ADGRL2: variants seen among roughly 807,000 people sequenced by gnomAD.
ADGRL2 encodes the protein adhesion G protein-coupled receptor L2.
ADGRL2 carries 44 observed loss-of-function variants against 157.4 expected under a neutral mutation model. The ratio of observed to expected loss-of-function variants is 0.28; its 90% CI spans 0.22 to 0.36. The LOEUF (loss-of-function observed/expected upper bound fraction) is 0.36, where lower values mean the gene tolerates loss of function less well. ADGRL2 is among the 10% of genes least tolerant of loss of function. The pLI, the probability that ADGRL2 is intolerant of heterozygous loss-of-function variation, is 1.00. For synonymous variants in ADGRL2, 585 were observed against 624.7 expected, an observed-to-expected ratio of 0.94 and a Z score of 0.95; for missense variants, 1,510 against 1,768.9, an observed-to-expected ratio of 0.85 and a Z score of 2.63.
At chr1:81,366,427 A>G (rs1375098293) in intron 1 of ADGRL2, among the ~76,000 whole-genome samples, 2 of 152,230 alleles carry the variant, frequency 1.3e-5, no homozygotes, top group Non-Finnish European at 2.9e-5. Context: ...CTGTAGCCAG[A>G]GAGTAGTAAA....
intron 2 of ADGRL2, chr1:81,503,348 G>T (rs868164536): frequency 1.2e-6 from 2 of 1,613,892 alleles, no homozygotes; most frequent in Middle Eastern, 1.7e-4. Flanking sequence ...CTCATCACGG[G>T]GTCTGCTCCC....
rs534851575 is a variant in ADGRL2 at position 81,400,315 on chromosome 1, C to A, written c.-301-44721C>A. Among the ~76,000 whole-genome samples the A allele has an allele frequency of 2.0e-5, 3 of 152,120 alleles. No individual in the cohort carries two copies. The East Asian group carries it at 5.8e-4, about 30-fold the overall frequency. On this transcript the variant is annotated intron_variant, in intron 1 of 24. Coordinates refer to the ADGRL2 transcript ENST00000370721. ...GTGTCAAGACTCAGAGTCTGTGAACCTATGGTAGCACCTGGACTTTGGGAT... is the reference window on the plus strand; with the variant it reads ...GTGTCAAGACTCAGAGTCTGTGAACATATGGTAGCACCTGGACTTTGGGAT...
chr1:81,345,021 GAAAT>G (rs1398663659), intron 1 of ADGRL2, among the ~76,000 whole-genome samples: 7 of 152,064 alleles, frequency 4.6e-5, no homozygotes, highest in African/African-American at 1.7e-4. Flanking sequence ...ATTTTTGAAA[GAAAT>G]AGTTACATTG....
chr1:81,869,263 T>G (rs2093630091), intron 2 of ADGRL2, among the ~76,000 whole-genome samples: 1 of 152,076 alleles, frequency 6.6e-6, no homozygotes, highest in Non-Finnish European at 1.5e-5. Context: ...CTTCGAAGTT[T>G]CTTTTTAGTT....
chr1:81,443,974 C>T (rs967463535), intron 1 of ADGRL2, among the ~76,000 whole-genome samples: 1 of 152,106 alleles, frequency 6.6e-6, no homozygotes, highest in African/African-American at 2.4e-5. Flanking sequence ...ATCTGAAGTA[C>T]TCTTATCAGA....
chr1:81,759,837 C>G (rs1432289186), intron 1 of ADGRL2, among the ~76,000 whole-genome samples: 3 of 152,010 alleles, frequency 2.0e-5, no homozygotes, highest in African/African-American at 7.2e-5. Flanking sequence ...TAGAAAATGG[C>G]TCTTTGATGT....
chr1:81,502,990 C>T (rs1017702360), intron 2 of ADGRL2: 1 of 1,613,280 alleles, frequency 6.2e-7, no homozygotes, highest in African/African-American at 1.3e-5. Context: ...TGTGCCAAAT[C>T]GTCTGGCTGT....
chr1:81,882,649 G>A (rs1236443063), intron 2 of ADGRL2, among the ~76,000 whole-genome samples: 1 of 152,150 alleles, frequency 6.6e-6, no homozygotes, highest in Non-Finnish European at 1.5e-5. Context: ...AGTTCTGGTA[G>A]ATAATTAAGA....
rs897084401 is a variant in ADGRL2 at position 81,338,232 on chromosome 1, GCCAGCTTGTAATT to G, written c.-302+31730_-302+31742del. Among the ~76,000 whole-genome samples the G allele has an allele frequency of 8.6e-3, 1,313 of 152,136 alleles. 16 individuals are homozygous for G. The highest frequency in any genetic ancestry group is 0.03 in the African/African-American group (1,253 of 41,492). On this transcript the variant is annotated intron_variant, in intron 1 of 24. Coordinates refer to the ADGRL2 transcript ENST00000370721. ...ACAAAAATTAGCTGGACTCTGTGGT[GCCAGCTTGTAATT>G]CCAGCTACCGGGGAGGCTAAGGCCC...
chr1:81,849,170 T>C (rs933240796), intron 2 of ADGRL2, among the ~76,000 whole-genome samples: 1 of 151,900 alleles, frequency 6.6e-6, no homozygotes, highest in Admixed American at 6.6e-5. Context: ...TTCAACAATG[T>C]TGTTAATTGA....
At chr1:81,748,923 C>T (rs963603899) in intron 1 of ADGRL2, among the ~76,000 whole-genome samples, 4 of 152,112 alleles carry the variant, frequency 2.6e-5, no homozygotes, top group African/African-American at 9.7e-5. Flanking sequence ...CCGCCTTGGC[C>T]TCCCAAAGTG....
intron 2 of ADGRL2, among the ~76,000 whole-genome samples, chr1:81,840,476 G>A (rs1203568856): frequency 6.6e-6 from 1 of 151,994 alleles, no homozygotes; most frequent in Non-Finnish European, 1.5e-5. Flanking sequence ...GACTTACTCT[G>A]TGTTCAGGCA....
chr1:81,989,622 T>C (rs1664164759), intron 23 of ADGRL2: 1 of 1,595,098 alleles, frequency 6.3e-7, no homozygotes, highest in South Asian at 1.1e-5. Flanking sequence ...TTCATCATGT[T>C]ACAATAAATC....
intron 3 of ADGRL2, among the ~76,000 whole-genome samples, chr1:81,907,530 C>T (rs923504223): frequency 2.4e-4 from 37 of 151,110 alleles, no homozygotes; most frequent in African/African-American, 8.2e-4. Flanking sequence ...TTTAAGGCTT[C>T]GAAAATTTGA....
In ADGRL2 at chr1:81,498,500, ATT is replaced by A. The variant is rs367777464; in HGVS notation, c.-248+53413_-248+53414del. On this transcript the variant is annotated intron_variant, in intron 2 of 24. Coordinates refer to the ADGRL2 transcript ENST00000370721. Reference sequence around the variant, plus strand: ...TGTGCATTGTCAAGTGCCCACCACAATTTGTCTCCCCCATACTGGACCGACAG... The same window carrying A: ...TGTGCATTGTCAAGTGCCCACCACAATGTCTCCCCCATACTGGACCGACAG... Among the ~76,000 whole-genome samples the A allele has an allele frequency of 1.7e-3, 266 of 152,286 alleles. 1 individual carries two copies. Among genetic ancestry groups the A allele is most frequent in the African/African-American group, 6.1e-3 (255 of 41,562 alleles).
chr1:81,694,613 G>T (rs1382280648), intron 3 of ADGRL2, among the ~76,000 whole-genome samples: 2 of 151,886 alleles, frequency 1.3e-5, no homozygotes, highest in East Asian at 3.9e-4. Context: ...AATATGCCTT[G>T]CATCATTTAT....
At position 81,503,271 on chromosome 1, in the gene ADGRL2, C is replaced by T; in HGVS notation, c.-248+58182C>T. 5 of 1,614,214 alleles carry T rather than the reference C, an allele frequency of 3.1e-6. No homozygotes were observed. In the South Asian group the frequency reaches 5.5e-5, roughly 18 times the overall value. On this transcript the variant is annotated intron_variant, in intron 2 of 24. Transcript: ENST00000370721. ...CCACGAGTAGCATTGGGAGCGTTAA[C>T]ATGTCTGTGGACATCGATGGCACCA...
At chr1:81,649,766 G>A (rs2082377196) in intron 3 of ADGRL2, among the ~76,000 whole-genome samples, 1 of 152,114 alleles carries the variant, frequency 6.6e-6, no homozygotes, top group African/African-American at 2.4e-5. Flanking sequence ...TTTGCCCAAG[G>A]TCATGATGAG....
chr1:81,825,728 C>T (rs529199550), intron 1 of ADGRL2, among the ~76,000 whole-genome samples: 1 of 141,836 alleles, frequency 7.1e-6, no homozygotes, highest in African/African-American at 2.6e-5. Flanking sequence ...AATACATGTA[C>T]TTTTGGAGAC....
Sources: gnomAD v4.1 joint callset for allele counts (sites outside exome capture counted in the v4.1 genomes callset) on GRCh38, gnomAD v4.1.1 for gene constraint, MANE v1.5 for transcripts, NCBI Gene and HGNC (gene_info 2026-07-23, HGNC 2026-07-21) for gene names.